Variants in PCF11 observed in about 807,000 individuals in gnomAD.
PCF11 encodes PCF11 cleavage and polyadenylation factor subunit.
A neutral mutation model predicts 166.1 loss-of-function variants in PCF11; 19 were observed. That is an observed-to-expected ratio of 0.11 (90% CI 0.08 to 0.17). The LOEUF (loss-of-function observed/expected upper bound fraction) is 0.17, where lower values mean the gene tolerates loss of function less well. Among genes scored for constraint, PCF11 ranks in the 10% least tolerant of loss-of-function variants. PCF11 has a pLI of 1.00. For synonymous variants in PCF11, 663 were observed against 644.1 expected (o/e 1.03, Z -0.44); for missense variants, 1,565 against 1,855.5 (o/e 0.84, Z 2.88).
rs1283129960 is a variant in PCF11 at position 83,164,187 on chromosome 11, CA to C, written c.508-17del. ...TTTTAGCTGATACGTTTTTCTTAAACAAATTGTCTTTTCTTATAGCCCGAGG... is the reference window on the plus strand; with the variant it reads ...TTTTAGCTGATACGTTTTTCTTAAACAATTGTCTTTTCTTATAGCCCGAGG... On this transcript the variant is annotated intron_variant, in intron 3 of 15. Transcript: ENST00000298281. The C allele has an allele frequency of 1.9e-6, 3 of 1,571,594 alleles. No individual in the cohort carries two copies. In the African/African-American group the frequency reaches 4.1e-5, roughly 22 times the overall value.
intron 9 of PCF11, among the ~76,000 whole-genome samples, chr11:83,176,814 T>A (rs764471469): frequency 6.6e-5 from 10 of 151,534 alleles, no homozygotes; most frequent in Non-Finnish European, 1.3e-4. Context: ...TGTGCACATG[T>A]ACCCTAGAAC....
chr11:83,163,816 C>A, exon 3 of PCF11: 3 of 1,583,750 alleles, frequency 1.9e-6, no homozygotes, highest in East Asian at 2.3e-5. Context: ...CTCTACCCCC[C>A]AATGTGAATA....
intron 11 of PCF11, 45 bp from the exon 12 acceptor site, chr11:83,180,963 T>C: frequency 8.9e-7 from 1 of 1,124,628 alleles, no homozygotes; most frequent in Non-Finnish European, 1.3e-6. Flanking sequence ...TAAAGGCCAT[T>C]AAGCCATATT....
At chr11:83,180,345 C>CA (rs1200640336) in intron 11 of PCF11, 3 of 151,244 alleles carry the variant, frequency 2.0e-5, no homozygotes, top group African/African-American at 7.3e-5. Context: ...CTTGGCCTCC[C>CA]AAAGTGCTGG....
chr11:83,169,892 C>T (rs1860623250), exon 8 of PCF11: 1 of 1,612,608 alleles, frequency 6.2e-7, no homozygotes, highest in South Asian at 1.1e-5. Context: ...AACAGAGCTT[C>T]TGGACACTAT....
intron 9 of PCF11, among the ~76,000 whole-genome samples, 171 bp downstream of exon 9, chr11:83,172,085 G>C (rs2135432648): frequency 6.6e-6 from 1 of 152,236 alleles, no homozygotes; most frequent in East Asian, 1.9e-4. Flanking sequence ...TTACATTGTG[G>C]ATGTGTATTC....
At chr11:83,166,778 T>A in intron 5 of PCF11, 64 bp downstream of exon 5, 1 of 1,427,654 alleles carries the variant, frequency 7.0e-7, no homozygotes, top group Non-Finnish European at 9.4e-7. Context: ...AGTGTTAATT[T>A]AAAAATTGGA....
chr11:83,182,283 A>G (rs1039643118), intron 13 of PCF11, 116 bp from the exon 14 acceptor site: 8 of 633,874 alleles, frequency 1.3e-5, no homozygotes, highest in South Asian at 2.2e-5. Flanking sequence ...ACATTATTCA[A>G]ACTTTTGGAA....
intron 12 of PCF11, among the ~76,000 whole-genome samples, 165 bp downstream of exon 12, chr11:83,181,356 C>A (rs1861077211): frequency 1.3e-5 from 2 of 150,140 alleles, no homozygotes; most frequent in African/African-American, 2.4e-5. Context: ...AAATTTGACC[C>A]CTAGAATATA....
At chr11:83,166,244 C>A in exon 5 of PCF11, 2 of 1,613,250 alleles carry the variant, frequency 1.2e-6, no homozygotes, top group Non-Finnish European at 1.7e-6. Flanking sequence ...GAAATAAAAT[C>A]ATAAATGGCA....
exon 1 of PCF11, chr11:83,157,177 G>A: frequency 1.7e-6 from 1 of 572,250 alleles, no homozygotes; most frequent in Non-Finnish European, 3.1e-6. Flanking sequence ...AGCTGGAGCC[G>A]CCACTGCCGC....
chr11:83,163,274 T>C (rs1475346493), intron 2 of PCF11, among the ~76,000 whole-genome samples: 4 of 152,222 alleles, frequency 2.6e-5, no homozygotes, highest in Admixed American at 2.6e-4. Flanking sequence ...ATTTTAACTT[T>C]GTACTACTAT....
intron 15 of PCF11, chr11:83,184,449 A>G (rs922202075): frequency 4.3e-6 from 2 of 462,748 alleles, no homozygotes; most frequent in Admixed American, 4.4e-5. Flanking sequence ...ATAATGTCCT[A>G]TAACTTAGCT....
intron 2 of PCF11, among the ~76,000 whole-genome samples, chr11:83,162,032 C>T (rs1386655567): frequency 6.6e-6 from 1 of 152,130 alleles, no homozygotes; most frequent in Non-Finnish European, 1.5e-5. Context: ...TTGCCCCTAC[C>T]TTAGTGTTCA....
chr11:83,181,631 CT>C (rs1422423536), intron 12 of PCF11, among the ~76,000 whole-genome samples: 2 of 149,032 alleles, frequency 1.3e-5, no homozygotes, highest in Non-Finnish European at 3.0e-5. Flanking sequence ...TGAAGCTTGT[CT>C]TTTTTGAATT....
chr11:83,169,058 G>A (rs1163882821), exon 8 of PCF11: 6 of 1,613,192 alleles, frequency 3.7e-6, no homozygotes, highest in East Asian at 2.2e-5. Flanking sequence ...GATAATCCCC[G>A]AGGTCAGCCT....
intron 4 of PCF11, among the ~76,000 whole-genome samples, chr11:83,165,374 T>C (rs1860407469): frequency 6.6e-6 from 1 of 152,182 alleles, no homozygotes; most frequent in Non-Finnish European, 1.5e-5. Context: ...TTAGAGATTA[T>C]ATTATAAAGT....
At chr11:83,160,321 G>GTTTTTTTTTTTTTTTTTTTTT (rs35201107) in intron 1 of PCF11, among the ~76,000 whole-genome samples, 10 of 91,270 alleles carry the variant, frequency 1.1e-4, no homozygotes, top group Non-Finnish European at 1.4e-4. Context: ...GATAACCTAA[G>GTTTTTTTTTTTTTTTTTTTTT]TTTTTTTTTT....
chr11:83,157,289 G>A (rs1860024682), exon 1 of PCF11: 1 of 669,944 alleles, frequency 1.5e-6, no homozygotes, highest in Admixed American at 2.9e-5. Flanking sequence ...TTCCCCCTGT[G>A]TCGTCCCCCA....
Sources: gnomAD v4.1 joint callset for allele counts (sites outside exome capture counted in the v4.1 genomes callset) on GRCh38, gnomAD v4.1.1 for gene constraint, MANE v1.5 for transcripts, NCBI Gene and HGNC (gene_info 2026-07-23, HGNC 2026-07-21) for gene names.